UNC79: variants seen among roughly 807,000 people sequenced by gnomAD.
The protein encoded by UNC79 is protein unc-79 homolog.
UNC79 carries 37 observed loss-of-function variants against 283.1 expected under a neutral mutation model. That is an observed-to-expected ratio of 0.13 (90% CI 0.10 to 0.17). The LOEUF (loss-of-function observed/expected upper bound fraction) is 0.17, where lower values mean the gene tolerates loss of function less well. UNC79 is among the 10% of genes least tolerant of loss of function. The pLI is 1.00. For missense variants in UNC79, 2,272 were observed against 3,211.1 expected, an observed-to-expected ratio of 0.71 and a Z score of 7.07; for synonymous variants, 1,107 against 1,200.2, an observed-to-expected ratio of 0.92 and a Z score of 1.61.
At chr14:93,403,064 G>C (rs757998692) in intron 1 of UNC79, among the ~76,000 whole-genome samples, 6 of 152,162 alleles carry the variant, frequency 3.9e-5, no homozygotes, top group African/African-American at 7.2e-5. Context: ...GTCATAAATA[G>C]GTAGGAGACA....
chr14:93,519,797 G>A (rs1160251173), intron 7 of UNC79, among the ~76,000 whole-genome samples: 2 of 151,672 alleles, frequency 1.3e-5, no homozygotes, highest in South Asian at 4.2e-4. Flanking sequence ...TACATATAAT[G>A]TAAGGCCTTT....
At chr14:93,506,487 A>AT (rs1380042516) in intron 7 of UNC79, among the ~76,000 whole-genome samples, 2 of 151,934 alleles carry the variant, frequency 1.3e-5, no homozygotes, top group Non-Finnish European at 2.9e-5. Context: ...GTATTTCATG[A>AT]TTTTCTCATT....
At position 93,706,685 on chromosome 14, in the gene UNC79, T is replaced by C. The variant is rs1350817266; in HGVS notation, c.7591-19T>C. 6.2e-7 allele frequency: 1 copy of C among 1,613,752 alleles called. No individual in the cohort carries two copies. On this transcript the variant is annotated intron_variant, in intron 48 of 48. Transcript: ENST00000555664. ...CCGTGAAAAGAAATAAACTAAAACC[T>C]CTTGCCCTTTTTCGACAGCACTTAT...
At chr14:93,435,256 CA>C (rs777693582) in intron 1 of UNC79, among the ~76,000 whole-genome samples, 10 of 152,206 alleles carry the variant, frequency 6.6e-5, no homozygotes, top group Non-Finnish European at 1.3e-4. Context: ...TTTGTGGTTG[CA>C]AAAAGAAGAA....
chr14:93,658,267 G>A (rs748957020), intron 38 of UNC79, among the ~76,000 whole-genome samples: 5 of 152,146 alleles, frequency 3.3e-5, no homozygotes, highest in Non-Finnish European at 7.3e-5. Context: ...GATCTCAAAC[G>A]TCAGTGTGCA....
intron 1 of UNC79, among the ~76,000 whole-genome samples, chr14:93,362,541 G>T (rs552263016): frequency 6.6e-6 from 1 of 152,100 alleles, no homozygotes; most frequent in Non-Finnish European, 1.5e-5. Flanking sequence ...TAGAAATGGG[G>T]TTTTACCATG....
chr14:93,575,415 G>A (rs2063417596), intron 17 of UNC79, among the ~76,000 whole-genome samples: 1 of 152,142 alleles, frequency 6.6e-6, no homozygotes, highest in African/African-American at 2.4e-5. Flanking sequence ...TAATTTCTTT[G>A]AATTTTAGCT....
chr14:93,650,575 AC>A (rs1309965121), intron 35 of UNC79, among the ~76,000 whole-genome samples: 5 of 152,012 alleles, frequency 3.3e-5, no homozygotes, highest in African/African-American at 1.2e-4. Flanking sequence ...GTGCTCATTG[AC>A]CCATTGCGTA....
intron 47 of UNC79, among the ~76,000 whole-genome samples, chr14:93,703,785 A>G: frequency 6.6e-6 from 1 of 152,238 alleles, no homozygotes; most frequent in South Asian, 2.1e-4. Flanking sequence ...AACATTTCCA[A>G]ACCTATTGGA....
At chr14:93,488,500 T>G (rs2058558402) in intron 5 of UNC79, among the ~76,000 whole-genome samples, 1 of 151,656 alleles carries the variant, frequency 6.6e-6, no homozygotes, top group African/African-American at 2.4e-5. Flanking sequence ...GACACTGTGG[T>G]TTTTTTTTGC....
chr14:93,611,126 A>T (rs1040939303), intron 26 of UNC79, among the ~76,000 whole-genome samples: 1 of 152,166 alleles, frequency 6.6e-6, no homozygotes, highest in African/African-American at 2.4e-5. Flanking sequence ...TAATATTAAC[A>T]ATTTATTGAT....
intron 35 of UNC79, among the ~76,000 whole-genome samples, chr14:93,651,172 A>C (rs1294472777): frequency 1.3e-5 from 2 of 152,166 alleles, no homozygotes; most frequent in Non-Finnish European, 2.9e-5. Flanking sequence ...CACTGTCTTG[A>C]TTATAGTACC....
chr14:93,557,596 C>T (rs1260862969), intron 14 of UNC79, among the ~76,000 whole-genome samples: 2 of 152,000 alleles, frequency 1.3e-5, no homozygotes, highest in African/African-American at 4.8e-5. Flanking sequence ...CAGAAAATCA[C>T]AAGCTGCCTG....
chr14:93,424,755 G>A (rs757130300), intron 1 of UNC79, among the ~76,000 whole-genome samples: 1 of 151,870 alleles, frequency 6.6e-6, no homozygotes, highest in Non-Finnish European at 1.5e-5. Flanking sequence ...GGGTTAATGG[G>A]TACAAAAAAT....
At chr14:93,670,934 A>T (rs373373171) in intron 40 of UNC79, among the ~76,000 whole-genome samples, 2 of 152,248 alleles carry the variant, frequency 1.3e-5, no homozygotes, top group Non-Finnish European at 2.9e-5. Context: ...TTACAGTATC[A>T]TACATATGAA....
chr14:93,653,726 C>T lies in UNC79; in HGVS notation c.6084-16C>T. On this transcript the variant is annotated splice_polypyrimidine_tract_variant and intron_variant, in intron 35 of 48. Coordinates refer to ENST00000555664, the Ensembl canonical transcript of UNC79. ...GGCCCATGACTTCGTGTCTTTTCTC[C>T]CCTGTTCAACTCCAGCATGATGGTT... 1.9e-6 allele frequency: 3 copies of T among 1,606,770 alleles called. No homozygotes were observed. The highest frequency in any genetic ancestry group is 2.6e-6 in the Non-Finnish European group (3 of 1,174,878).
intron 14 of UNC79, among the ~76,000 whole-genome samples, chr14:93,566,756 G>C (rs2141526058): frequency 6.6e-6 from 1 of 151,054 alleles, no homozygotes; most frequent in African/African-American, 2.4e-5. Flanking sequence ...TCCTGCCTCA[G>C]CCTCCTGAGT....
rs188930803 is a variant in UNC79 at position 93,655,127 on chromosome 14, C to T, written c.6283-107C>T. The T allele has an allele frequency of 1.8e-3, 2,341 of 1,286,360 alleles. 3 individuals are homozygous for T. Among genetic ancestry groups the T allele is most frequent in the Middle Eastern group, 4.7e-3 (21 of 4,434 alleles). The allele number at this position is 1,286,360 out of a possible 1,614,324, so 79.7% of individuals were successfully genotyped here. On this transcript the variant is annotated intron_variant, in intron 37 of 48. Coordinates refer to ENST00000555664, the Ensembl canonical transcript of UNC79. ...ATTGGCCTATGTAGTAGGCACTGAA[C>T]ACGTTTATAGCCTGAAGATGTGACT...
intron 29 of UNC79, among the ~76,000 whole-genome samples, chr14:93,620,691 G>A (rs1566792665): frequency 6.6e-6 from 1 of 152,136 alleles, no homozygotes; most frequent in Non-Finnish European, 1.5e-5. Context: ...AAAGTGATGG[G>A]CAATCTTGTA....
Sources: gnomAD v4.1 joint callset for allele counts (sites outside exome capture counted in the v4.1 genomes callset) on GRCh38, gnomAD v4.1.1 for gene constraint, MANE v1.5 for transcripts, NCBI Gene and HGNC (gene_info 2026-07-23, HGNC 2026-07-21) for gene names.